SLC8A1: variants seen among roughly 807,000 people sequenced by gnomAD.
The protein encoded by SLC8A1 is solute carrier family 8 member A1.
SLC8A1 carries 18 observed loss-of-function variants against 68.3 expected under a neutral mutation model. That is an observed-to-expected ratio of 0.26 (90% CI 0.18 to 0.39). The LOEUF (loss-of-function observed/expected upper bound fraction) is 0.39. Ranked by LOEUF, SLC8A1 falls within the 10% of genes least tolerant of loss-of-function variation. SLC8A1 has a pLI of 1.00. For synonymous variants in SLC8A1, 475 were observed against 415.5 expected, an observed-to-expected ratio of 1.14 and a Z score of -1.74; for missense variants, 985 against 1,156.7, an observed-to-expected ratio of 0.85 and a Z score of 2.15.
chr2:40,401,253 C>T (rs1331058033), intron 2 of SLC8A1, among the ~76,000 whole-genome samples: 5 of 152,180 alleles, frequency 3.3e-5, no homozygotes, highest in Non-Finnish European at 5.9e-5. Flanking sequence ...CCCTACACTT[C>T]GGAGAAACTG....
chr2:40,420,982 A>T (rs545825398), intron 2 of SLC8A1, among the ~76,000 whole-genome samples: 11 of 152,292 alleles, frequency 7.2e-5, no homozygotes, highest in African/African-American at 2.6e-4. Flanking sequence ...TAGCTACTTG[A>T]TATAGTTGCA....
chr2:40,117,426 G>A (rs1303133630), intron 7 of SLC8A1, among the ~76,000 whole-genome samples: 25 of 146,234 alleles, frequency 1.7e-4, no homozygotes, highest in East Asian at 4.0e-4. Flanking sequence ...AAAGCCAGGC[G>A]TGGTGGTACA....
chr2:40,347,022 C>T (rs1669567934), intron 2 of SLC8A1, among the ~76,000 whole-genome samples: 1 of 152,178 alleles, frequency 6.6e-6, no homozygotes, highest in South Asian at 2.1e-4. Context: ...TACATCAAAG[C>T]ACAGCATGTG....
chr2:40,277,800 A>ATATATATATATATATATATATGTGTG (rs2066942797), intron 2 of SLC8A1, among the ~76,000 whole-genome samples: 8 of 68,318 alleles, frequency 1.2e-4, no homozygotes, highest in African/African-American at 7.6e-4. Flanking sequence ...GTGTGTATAT[A>ATATATATATATATATATATATGTGTG]TATATATATA....
rs1300885963 is a variant in SLC8A1, at chr2:40,200,179, TATATATATATATTTATATATATATATAA to T, written c.1809-22352_1809-22325del. 6.3e-4 allele frequency among the ~76,000 whole-genome samples: 9 copies of T among 14,234 alleles called. 1 individual carries two copies. The highest frequency in any genetic ancestry group is 6.0e-3 in the South Asian group (3 of 502). 9.3% of individuals were successfully genotyped at this position (14,234 alleles called of 152,430 possible). On this transcript the variant is annotated intron_variant, in intron 2 of 7. Coordinates refer to ENST00000406785, the Ensembl canonical transcript of SLC8A1. ...TAGAGGATTTCAAGTCATTGATATA[TATATATATATATTTATATATATATATAA>T]ATATATATATATTTTTTTATATATA...
chr2:40,377,930 C>G (rs1680451610), intron 2 of SLC8A1, among the ~76,000 whole-genome samples: 1 of 152,200 alleles, frequency 6.6e-6, no homozygotes, highest in African/African-American at 2.4e-5. Flanking sequence ...GTAATGAAGT[C>G]TTCTTATTGT....
At chr2:40,479,789 A>G (rs913241915) in intron 1 of SLC8A1, among the ~76,000 whole-genome samples, 4 of 152,216 alleles carry the variant, frequency 2.6e-5, no homozygotes, top group Non-Finnish European at 1.5e-5. Context: ...TTAAAAAACC[A>G]TTAATATTGG....
chr2:40,284,760 G>C (rs1476074246), intron 2 of SLC8A1, among the ~76,000 whole-genome samples: 3 of 151,612 alleles, frequency 2.0e-5, no homozygotes, highest in Non-Finnish European at 2.9e-5. Context: ...TTCCCATGAA[G>C]TTTGTCTTAG....
At chr2:40,159,881 G>A (rs919888029) in intron 6 of SLC8A1, among the ~76,000 whole-genome samples, 9 of 152,166 alleles carry the variant, frequency 5.9e-5, no homozygotes, top group African/African-American at 2.2e-4. Flanking sequence ...GGGATTTGGG[G>A]TAGAAATCAT....
chr2:40,419,087 G>A (rs1344710042), intron 2 of SLC8A1, among the ~76,000 whole-genome samples: 1 of 152,224 alleles, frequency 6.6e-6, no homozygotes, highest in African/African-American at 2.4e-5. Flanking sequence ...AGTAAAGCTT[G>A]AGGTTTTCTA....
At chr2:40,252,984 T>C (rs1574750933) in intron 2 of SLC8A1, among the ~76,000 whole-genome samples, 1 of 141,566 alleles carries the variant, frequency 7.1e-6, no homozygotes, top group East Asian at 2.0e-4. Context: ...TATATGTATC[T>C]GTATATATGT....
chr2:40,265,386 C>G lies in SLC8A1; in HGVS notation c.1809-87531G>C, dbSNP rs143833350. On this transcript the variant is annotated intron_variant, in intron 2 of 7. Transcript: ENST00000406785. The stretch of plus-strand genomic sequence containing the variant: ...AGTACACTGCTTATTAGAAATAAAA[C>G]ACCCTGTGAATGTACCTTCCACTTC... 2.7e-3 allele frequency among the ~76,000 whole-genome samples: 410 copies of G among 152,288 alleles called. 2 individuals carry two copies. Among genetic ancestry groups the G allele is most frequent in the African/African-American group, 9.3e-3 (385 of 41,566 alleles).
At chr2:40,476,904 T>C (rs914028482) in intron 1 of SLC8A1, among the ~76,000 whole-genome samples, 2 of 152,168 alleles carry the variant, frequency 1.3e-5, no homozygotes, top group Non-Finnish European at 2.9e-5. Flanking sequence ...TTCTTTCCTT[T>C]ATTTATGGCA....
At chr2:40,483,211 T>C (rs1369333144) in intron 1 of SLC8A1, among the ~76,000 whole-genome samples, 1 of 88,408 alleles carries the variant, frequency 1.1e-5, no homozygotes, top group Non-Finnish European at 2.8e-5. Context: ...ACCCTATGTA[T>C]TTATGTATTT....
chr2:40,511,362 T>A (rs563755097), intron 1 of SLC8A1, among the ~76,000 whole-genome samples: 2 of 152,324 alleles, frequency 1.3e-5, no homozygotes, highest in East Asian at 3.9e-4. Context: ...ACTTTTGTGT[T>A]TGGCAGGAGT....
chr2:40,131,809 A>G (rs545064773), intron 7 of SLC8A1, among the ~76,000 whole-genome samples: 14 of 144,852 alleles, frequency 9.7e-5, no homozygotes, highest in African/African-American at 3.5e-4. Flanking sequence ...TTGTGTTCAG[A>G]TTCATTAGTG....
intron 1 of SLC8A1, among the ~76,000 whole-genome samples, chr2:40,468,658 T>C (rs1025916205): frequency 6.6e-6 from 1 of 152,174 alleles, no homozygotes; most frequent in Non-Finnish European, 1.5e-5. Flanking sequence ...TTCAAACATA[T>C]GCAAAGCAGA....
At chr2:40,394,901 C>A (rs1484300985) in intron 2 of SLC8A1, among the ~76,000 whole-genome samples, 1 of 152,122 alleles carries the variant, frequency 6.6e-6, no homozygotes, top group Non-Finnish European at 1.5e-5. Context: ...AAGAACTCTA[C>A]CCCAATCCCA....
chr2:40,199,299 A>G (rs977039225), intron 2 of SLC8A1, among the ~76,000 whole-genome samples: 8 of 151,724 alleles, frequency 5.3e-5, no homozygotes, highest in African/African-American at 1.9e-4. Context: ...GAATGAATCA[A>G]TGTTGGATCA....
Sources: gnomAD v4.1 joint callset for allele counts (sites outside exome capture counted in the v4.1 genomes callset) on GRCh38, gnomAD v4.1.1 for gene constraint, MANE v1.5 for transcripts, NCBI Gene and HGNC (gene_info 2026-07-23, HGNC 2026-07-21) for gene names.